Variants in MBNL1 observed in about 807,000 individuals in gnomAD.
MBNL1 encodes muscleblind like splicing regulator 1.
A neutral mutation model predicts 42.2 loss-of-function variants in MBNL1; 8 were observed. The ratio of observed to expected loss-of-function variants is 0.19; its 90% CI spans 0.11 to 0.34. MBNL1 has a LOEUF of 0.34. Among genes scored for constraint, MBNL1 ranks in the 10% least tolerant of loss-of-function variants. MBNL1 has a pLI of 1.00. For synonymous variants in MBNL1, 169 were observed against 173.9 expected (o/e 0.97, Z 0.22); for missense variants, 309 against 495.3 (o/e 0.62, Z 3.57).
intron 2 of MBNL1, among the ~76,000 whole-genome samples, chr3:152,318,327 C>T (rs1030393412): frequency 3.3e-5 from 5 of 152,104 alleles, no homozygotes; most frequent in East Asian, 1.9e-4. Context: ...AAACTTAAAA[C>T]GGATACTGCT....
rs368337000 is a variant in MBNL1 at position 152,459,318 on chromosome 3, C to G, written c.1140C>G (p.Thr380=). 4 of 1,574,500 alleles carry G rather than the reference C, an allele frequency of 2.5e-6. No individual in the cohort carries two copies. Among genetic ancestry groups the G allele is most frequent in the Non-Finnish European group, 3.4e-6 (4 of 1,159,472 alleles). The change falls in exon 9 of 10, where the codon ACC becomes ACG. Residue 380 remains threonine (T), a synonymous_variant. Transcript: ENST00000324210. ...ATCTGACTAGCCACAAGTATGTTAC[C>G]CAGATGTAGAATTTTCATCACTAAA... The part of the protein sequence containing the change: ...AEHLTSHKYV[T]QM
chr3:152,335,112 A>G lies in MBNL1; in HGVS notation c.174+34745A>G, dbSNP rs2088792879. ...TATCCATTACTCTTGGTGCTGCAGCAGTCACTCAGGAAATGTTGTTTAAGG... is the reference window on the plus strand; with the variant it reads ...TATCCATTACTCTTGGTGCTGCAGCGGTCACTCAGGAAATGTTGTTTAAGG... On this transcript the variant is annotated intron_variant, in intron 2 of 9. Coordinates refer to ENST00000324210, the MANE Select transcript of MBNL1 (RefSeq NM_021038.5). 3.1e-6 allele frequency: 4 copies of G among 1,287,340 alleles called. No individual in the cohort carries two copies. The Admixed American group carries it at 9.2e-5, about 30-fold the overall frequency. 79.7% of individuals were successfully genotyped at this position (1,287,340 alleles called of 1,614,324 possible).
chr3:152,343,340 T>A (rs1000465682), intron 2 of MBNL1, among the ~76,000 whole-genome samples: 1 of 152,068 alleles, frequency 6.6e-6, no homozygotes, highest in African/African-American at 2.4e-5. Context: ...CTGGACTGAG[T>A]TGAATGCCAG....
chr3:152,332,191 C>A (rs534775120), intron 2 of MBNL1, among the ~76,000 whole-genome samples: 3 of 152,242 alleles, frequency 2.0e-5, no homozygotes, highest in East Asian at 3.9e-4. Context: ...TAGTCTATCA[C>A]GTGGTAATGC....
At chr3:152,452,958 T>C (rs1038994708) in intron 6 of MBNL1, among the ~76,000 whole-genome samples, 1 of 149,762 alleles carries the variant, frequency 6.7e-6, no homozygotes, top group Non-Finnish European at 1.5e-5. Flanking sequence ...GTAGGCAGGG[T>C]TGTGTTTATG....
At chr3:152,329,372 A>G (rs1423429615) in intron 2 of MBNL1, among the ~76,000 whole-genome samples, 1 of 152,130 alleles carries the variant, frequency 6.6e-6, no homozygotes, top group Non-Finnish European at 1.5e-5. Flanking sequence ...AATGCAAATC[A>G]AGAAAATACA....
chr3:152,246,008 C>CAGAA (rs1166236835), intron 2 of MBNL1, among the ~76,000 whole-genome samples: 1 of 152,128 alleles, frequency 6.6e-6, no homozygotes. Context: ...TGGCTTAAGT[C>CAGAA]AGAAGATCAA....
intron 2 of MBNL1, chr3:152,340,652 A>G (rs764418619): frequency 8.7e-6 from 14 of 1,613,916 alleles, no homozygotes; most frequent in Middle Eastern, 3.3e-4. Flanking sequence ...TAAATGTTCC[A>G]GAGTGTTAGA....
At chr3:152,251,798 C>G (rs2034592162) in intron 2 of MBNL1, among the ~76,000 whole-genome samples, 1 of 151,960 alleles carries the variant, frequency 6.6e-6, no homozygotes, top group African/African-American at 2.4e-5. Flanking sequence ...AAGGTGTTGT[C>G]TGATTTCTCT....
In MBNL1 at chr3:152,404,638, A is replaced by G. The variant is rs543537934; in HGVS notation, c.175-10303A>G. Among the ~76,000 whole-genome samples the G allele has an allele frequency of 1.1e-4, 17 of 151,750 alleles. No individual in the cohort carries two copies. The East Asian group carries it at 2.7e-3, about 24-fold the overall frequency. On this transcript the variant is annotated intron_variant, in intron 2 of 9. Coordinates refer to ENST00000324210, the MANE Select transcript of MBNL1 (RefSeq NM_021038.5). ...CTTGCCCCTTAAAACATACCATCCTATATTACTGTCTAACTTTATATCTTT... is the reference window on the plus strand; with the variant it reads ...CTTGCCCCTTAAAACATACCATCCTGTATTACTGTCTAACTTTATATCTTT...
chr3:152,285,019 A>G (rs774744930), intron 1 of MBNL1, among the ~76,000 whole-genome samples: 6 of 152,178 alleles, frequency 3.9e-5, no homozygotes, highest in Non-Finnish European at 7.4e-5. Flanking sequence ...GTCTCCAGGT[A>G]TACATTATTA....
At chr3:152,442,369 A>G (rs916617967) in intron 4 of MBNL1, among the ~76,000 whole-genome samples, 6 of 152,240 alleles carry the variant, frequency 3.9e-5, no homozygotes, top group African/African-American at 1.4e-4. Flanking sequence ...TTGAGCATAA[A>G]AGATCACCAA....
chr3:152,270,731 T>C lies in MBNL1; in HGVS notation c.-790+1639T>C, dbSNP rs558585880. On this transcript the variant is annotated intron_variant, in intron 1 of 9. Transcript: ENST00000324210. ...TCTTAAAGTTGGTGACAACTAAGGC[T>C]AAACTTCTTTAGAAAACCTAATGTT... Among the ~76,000 whole-genome samples the C allele has an allele frequency of 2.0e-5, 3 of 152,364 alleles. No individual in the cohort carries two copies. In the South Asian group the frequency reaches 6.2e-4, roughly 32 times the overall value.
At chr3:152,342,217 C>G (rs573283403) in intron 2 of MBNL1, among the ~76,000 whole-genome samples, 2 of 152,150 alleles carry the variant, frequency 1.3e-5, no homozygotes, top group East Asian at 3.9e-4. Flanking sequence ...CAGTCCTAAC[C>G]CTTTTCATAG....
rs116589463 is a variant in MBNL1 at position 152,347,713 on chromosome 3, G to A, written c.174+47346G>A. Among the ~76,000 whole-genome samples the A allele has an allele frequency of 2.7e-3, 406 of 152,174 alleles. 3 individuals are homozygous for A. The highest frequency in any genetic ancestry group is 9.4e-3 in the African/African-American group (390 of 41,540). On this transcript the variant is annotated intron_variant, in intron 2 of 9. Transcript: ENST00000324210. The stretch of plus-strand genomic sequence containing the variant: ...CACCATGTTACTCTGTGCGTGTCAT[G>A]TTTTCTCGGAAGTATACCTGCCGCC...
rs1001392513 is a variant in MBNL1, at chr3:152,447,560, T to G, written c.808-60T>G. The G allele has an allele frequency of 2.7e-6, 4 of 1,459,220 alleles. No individual in the cohort carries two copies. In the African/African-American group the frequency reaches 5.6e-5, roughly 21 times the overall value. The allele number at this position is 1,459,220 out of a possible 1,614,324, so 90.4% of individuals were successfully genotyped here. A position where few individuals can be genotyped will look rare whatever the true frequency, so the allele number is the denominator to read the frequency against. ...TAACAATTTTAGCCTTCGACTGATT[T>G]TTCTTTTTTCTTTTTCTCTTTTTAC... is the stretch of plus-strand genomic sequence containing the variant. On this transcript the variant is annotated intron_variant, in intron 5 of 9. Transcript: ENST00000324210.
chr3:152,259,555 T>G (rs187174115), intron 2 of MBNL1, among the ~76,000 whole-genome samples: 4 of 152,362 alleles, frequency 2.6e-5, no homozygotes, highest in Non-Finnish European at 2.9e-5. Context: ...AAAGATAAGC[T>G]GGCTAGCTTT....
chr3:152,304,473 G>A (rs1320309845), intron 2 of MBNL1, among the ~76,000 whole-genome samples: 1 of 152,022 alleles, frequency 6.6e-6, no homozygotes, highest in African/African-American at 2.4e-5. Context: ...GATCTATTAG[G>A]GTCCTAACTG....
At chr3:152,451,988 A>G (rs1279265138) in intron 6 of MBNL1, among the ~76,000 whole-genome samples, 2 of 152,212 alleles carry the variant, frequency 1.3e-5, no homozygotes, top group African/African-American at 2.4e-5. Flanking sequence ...TAGTCTCTCA[A>G]TATCTATTAC....
Sources: allele counts gnomAD v4.1 joint callset (sites outside exome capture counted in the v4.1 genomes callset), GRCh38; gene constraint gnomAD v4.1.1; transcripts MANE v1.5; gene names NCBI Gene and HGNC (gene_info 2026-07-23, HGNC 2026-07-21).